Variants in CELF2 observed in about 807,000 individuals in gnomAD.
CELF2 encodes CUGBP Elav-like family member 2.
In CELF2, 8 loss-of-function variants were observed where a neutral mutation model predicts 62.6. The ratio of observed to expected loss-of-function variants is 0.13; its 90% CI spans 0.07 to 0.23. The LOEUF is 0.23. CELF2 is among the 10% of genes least tolerant of loss of function. The pLI is 1.00. For synonymous variants in CELF2, 258 were observed against 250.0 expected (o/e 1.03, Z -0.30); for missense variants, 333 against 671.0 (o/e 0.50, Z 5.56).
At chr10:10,879,216 C>T (rs1197698574) in intron 1 of CELF2, among the ~76,000 whole-genome samples, 1 of 152,162 alleles carries the variant, frequency 6.6e-6, no homozygotes, top group Non-Finnish European at 1.5e-5. Context: ...AAACAAGGGG[C>T]CTGGTGAATG....
rs2046614981 is a variant in CELF2 at position 10,938,009 on chromosome 10, ACT to A, written c.89+18013_89+18014del. On this transcript the variant is annotated intron_variant, in intron 2 of 13. Coordinates refer to the CELF2 transcript ENST00000636488. The surrounding 1 kb of genome is among the most constrained non-coding windows in gnomAD (Gnocchi z 4.2). The stretch of plus-strand genomic sequence containing the variant: ...GAAGCAAAATTCTTCTCTACTTTCG[ACT>A]CTATTCCCATTCAGTCTATCCCCTC... Among the ~76,000 whole-genome samples the A allele has an allele frequency of 6.6e-6, 1 of 152,130 alleles. No homozygotes were observed. The highest frequency in any genetic ancestry group is 2.1e-4 in the South Asian group (1 of 4,822).
In CELF2 at chr10:11,224,500, G is replaced by T. The variant is rs1337182058; in HGVS notation, c.354+6993G>T. On this transcript the variant is annotated intron_variant, in intron 3 of 12. Coordinates refer to ENST00000633077, the MANE Select transcript of CELF2 (RefSeq NM_001326342.2). This position sits in a 1 kb window ranked among gnomAD's most constrained non-coding sequence, Gnocchi z 4.5. ...GACCTTAGTTCCCAAAAGGTTGATA[G>T]GATTTCAAAAGAAGATTGTGGGGGA... is the stretch of plus-strand genomic sequence containing the variant. 6.6e-6 allele frequency among the ~76,000 whole-genome samples: 1 copy of T among 152,132 alleles called. No homozygotes were observed. The highest frequency in any genetic ancestry group is 2.4e-5 in the African/African-American group (1 of 41,416).
chr10:11,207,767 A>G lies in CELF2; in HGVS notation c.272-9658A>G, dbSNP rs2060798744. Among the ~76,000 whole-genome samples the G allele has an allele frequency of 6.6e-6, 1 of 152,228 alleles. No homozygotes were observed. The highest frequency in any genetic ancestry group is 1.5e-5 in the Non-Finnish European group (1 of 68,044). ...TGATACCGCTGACATCAGGGTGCCA[A>G]TTATATCAAACTCTATAAAACTAAG... On this transcript the variant is annotated intron_variant, in intron 2 of 12. Transcript: ENST00000633077. The surrounding 1 kb of genome is among the most constrained non-coding windows in gnomAD (Gnocchi z 4.1).
At chr10:10,569,139 C>T in the CELF2 span, among the ~76,000 whole-genome samples, 1 of 152,082 alleles carries the variant, frequency 6.6e-6, no homozygotes, top group South Asian at 2.1e-4. Context: ...TGAGAATTTT[C>T]TGGGATTTGG....
At chr10:10,629,147 C>T in the CELF2 span, among the ~76,000 whole-genome samples, 1 of 152,162 alleles carries the variant, frequency 6.6e-6, no homozygotes, top group African/African-American at 2.4e-5. Context: ...CTGAATACTC[C>T]TTGGTGCTGT....
At position 11,243,199 on chromosome 10, in the gene CELF2, C is replaced by T. The variant is rs1233894245; in HGVS notation, c.355-5954C>T. Among the ~76,000 whole-genome samples, 2 of 151,992 alleles carry T rather than the reference C, an allele frequency of 1.3e-5. No homozygotes were observed. Among genetic ancestry groups the T allele is most frequent in the African/African-American group, 2.4e-5 (1 of 41,362 alleles). On this transcript the variant is annotated intron_variant, in intron 3 of 12. Transcript: ENST00000633077. The surrounding 1 kb of genome is among the most constrained non-coding windows in gnomAD (Gnocchi z 4.1). The stretch of plus-strand genomic sequence containing the variant: ...TTCAGCAGATGCCTTCTTGGGACCG[C>T]GCTTGACTCTAGTTCCTTCTCCCCG...
chr10:10,977,907 T>A (rs754769224), intron 2 of CELF2, among the ~76,000 whole-genome samples: 1 of 152,194 alleles, frequency 6.6e-6, no homozygotes, highest in Non-Finnish European at 1.5e-5. Context: ...GGAATAAACA[T>A]AATATGCACA....
intron 1 of CELF2, among the ~76,000 whole-genome samples, chr10:11,072,858 G>A (rs1239960020): frequency 6.6e-6 from 1 of 151,860 alleles, no homozygotes; most frequent in Non-Finnish European, 1.5e-5. Flanking sequence ...GCTAACTGAG[G>A]ATGGGAAGCA....
At chr10:11,221,881 A>G (rs2064978418) in intron 3 of CELF2, among the ~76,000 whole-genome samples, 3 of 152,250 alleles carry the variant, frequency 2.0e-5, no homozygotes, top group Admixed American at 2.0e-4. Context: ...AGCATGCCAA[A>G]AGATGTTTTA....
the CELF2 span, among the ~76,000 whole-genome samples, chr10:10,624,692 C>A: frequency 6.6e-6 from 1 of 152,164 alleles, no homozygotes; most frequent in African/African-American, 2.4e-5. Flanking sequence ...TCTCAGATCC[C>A]AACAGATCTA....
intron 1 of CELF2, among the ~76,000 whole-genome samples, chr10:11,109,113 C>G (rs561551427): frequency 3.5e-4 from 53 of 152,280 alleles, no homozygotes; most frequent in Non-Finnish European, 5.9e-4. Context: ...TTAGGTATAT[C>G]TCATATGTAG....
At chr10:11,323,222 G>A (rs1208615235) in intron 11 of CELF2, among the ~76,000 whole-genome samples, 1 of 151,920 alleles carries the variant, frequency 6.6e-6, no homozygotes, top group Non-Finnish European at 1.5e-5. Context: ...GCCCACTCCT[G>A]ATTTAAGAGT....
intron 3 of CELF2, among the ~76,000 whole-genome samples, chr10:11,248,079 G>C (rs1178427127): frequency 6.6e-6 from 1 of 152,180 alleles, no homozygotes; most frequent in Non-Finnish European, 1.5e-5. Context: ...AGTCCACTGG[G>C]GAAATGAAAG....
intron 2 of CELF2, among the ~76,000 whole-genome samples, chr10:11,167,072 A>G (rs1460879710): frequency 6.6e-6 from 1 of 152,258 alleles, no homozygotes; most frequent in Non-Finnish European, 1.5e-5. Context: ...TGATTGCCTC[A>G]TTATTTGAGA....
the CELF2 span, among the ~76,000 whole-genome samples, chr10:10,611,129 C>G: frequency 3.3e-5 from 5 of 152,042 alleles, no homozygotes; most frequent in Non-Finnish European, 5.9e-5. Context: ...TCCTCTGTAT[C>G]CCCTGAGTTA....
intron 2 of CELF2, among the ~76,000 whole-genome samples, chr10:11,205,897 A>G (rs1210458372): frequency 6.6e-6 from 1 of 152,208 alleles, no homozygotes; most frequent in Non-Finnish European, 1.5e-5. Flanking sequence ...ACAATCTACA[A>G]TAAGTACAAA....
At chr10:10,530,093 G>A in the CELF2 span, among the ~76,000 whole-genome samples, 1 of 152,128 alleles carries the variant, frequency 6.6e-6, no homozygotes, top group African/African-American at 2.4e-5. Context: ...CCAAAAGAGG[G>A]TTCTTGGATC....
At chr10:11,074,504 GGAAA>G (rs1361712961) in intron 1 of CELF2, among the ~76,000 whole-genome samples, 1 of 152,158 alleles carries the variant, frequency 6.6e-6, no homozygotes, top group Non-Finnish European at 1.5e-5. Flanking sequence ...GGAGTTAAAG[GGAAA>G]GATTTCTAGC....
chr10:11,073,443 G>A (rs2070793962), intron 1 of CELF2, among the ~76,000 whole-genome samples: 1 of 152,182 alleles, frequency 6.6e-6, no homozygotes, highest in South Asian at 2.1e-4. Flanking sequence ...ACGCCGGGAT[G>A]TTTAGCAATA....
Sources: allele counts gnomAD v4.1 joint callset (sites outside exome capture counted in the v4.1 genomes callset), GRCh38; gene constraint gnomAD v4.1.1; non-coding constraint Gnocchi (gnomAD v3.1); transcripts MANE v1.5; gene names NCBI Gene and HGNC (gene_info 2026-07-23, HGNC 2026-07-21).